Variants in CSMD3 observed in about 807,000 individuals in gnomAD.
CSMD3 encodes the protein CUB and sushi domain-containing protein 3.
Under a neutral mutation model 435.2 loss-of-function variants are expected in CSMD3, and 177 were observed. The ratio of observed to expected loss-of-function variants is 0.41; its 90% CI spans 0.36 to 0.46. The LOEUF (loss-of-function observed/expected upper bound fraction) is 0.46. Among genes scored for constraint, CSMD3 ranks in the 20% least tolerant of loss-of-function variants. CSMD3 has a pLI of 0.34. For synonymous variants in CSMD3, 1,656 were observed against 1,520.5 expected, an observed-to-expected ratio of 1.09 and a Z score of -2.07; for missense variants, 4,265 against 4,504.6, an observed-to-expected ratio of 0.95 and a Z score of 1.52.
chr8:112,825,981 C>T (rs982476919), intron 12 of CSMD3, among the ~76,000 whole-genome samples: 28 of 152,150 alleles, frequency 1.8e-4, no homozygotes, highest in African/African-American at 6.8e-4. Flanking sequence ...CCACACCTCC[C>T]ACTAGGGACT....
intron 13 of CSMD3, among the ~76,000 whole-genome samples, chr8:112,737,602 G>A (rs1238779155): frequency 6.6e-6 from 1 of 151,864 alleles, no homozygotes; most frequent in Admixed American, 6.6e-5. Flanking sequence ...GTCATTAATA[G>A]CATCCCATAT....
At chr8:112,241,486 C>G (rs1355984942) in intron 66 of CSMD3, among the ~76,000 whole-genome samples, 1 of 151,934 alleles carries the variant, frequency 6.6e-6, no homozygotes, top group African/African-American at 2.4e-5. Context: ...AGATACTCTT[C>G]AAGGGAAATT....
chr8:112,666,159 A>G, intron 17 of CSMD3, 118 bp downstream of exon 17: 1 of 838,052 alleles, frequency 1.2e-6, no homozygotes, highest in Non-Finnish European at 2.0e-6. Context: ...AAGCATTCAA[A>G]GCACAGCAAT....
intron 70 of CSMD3, among the ~76,000 whole-genome samples, chr8:112,225,949 A>C (rs542753886): frequency 6.6e-6 from 1 of 152,290 alleles, no homozygotes; most frequent in South Asian, 2.1e-4. Flanking sequence ...GTAATGGAAA[A>C]AAGGCAGACT....
At chr8:112,790,578 CTTTG>C (rs1258876998) in intron 13 of CSMD3, among the ~76,000 whole-genome samples, 1 of 151,938 alleles carries the variant, frequency 6.6e-6, no homozygotes, top group Non-Finnish European at 1.5e-5. Flanking sequence ...ATTTTCAGCC[CTTTG>C]TTTGGTGCTT....
At chr8:112,769,723 A>G in intron 13 of CSMD3, among the ~76,000 whole-genome samples, 1 of 151,972 alleles carries the variant, frequency 6.6e-6, no homozygotes, top group South Asian at 2.1e-4. Flanking sequence ...TCATCATTTG[A>G]TTTATTGAGA....
At chr8:112,724,342 T>C (rs1446320151) in intron 13 of CSMD3, among the ~76,000 whole-genome samples, 2 of 152,068 alleles carry the variant, frequency 1.3e-5, no homozygotes, top group East Asian at 1.9e-4. Flanking sequence ...TGGTGCCTGA[T>C]GATAGTGGGT....
In CSMD3 at chr8:112,650,255, T is replaced by C; in HGVS notation, c.3099A>G (p.Ser1033=). 1 of 1,613,690 alleles carries C rather than the reference T, an allele frequency of 6.2e-7. No individual in the cohort carries two copies. Among genetic ancestry groups the C allele is most frequent in the Non-Finnish European group, 8.5e-7 (1 of 1,179,766 alleles). ...ACCTGTATCCTGAATCACAACTAAA[T>C]GAAACAGTAGAGCCAATGGAGAAAT... ...GHDFSIGSTV[S]FSCDSGYRLS... The change falls in exon 19 of 71, where the codon TCA becomes TCG. Residue 1033 remains serine (S), a synonymous_variant. Transcript: ENST00000297405.
chr8:112,761,673 TACAA>T (rs1048510407), intron 13 of CSMD3, among the ~76,000 whole-genome samples: 11 of 152,128 alleles, frequency 7.2e-5, no homozygotes, highest in African/African-American at 2.2e-4. Context: ...AACTATACTA[TACAA>T]ACATTTTTTA....
intron 17 of CSMD3, among the ~76,000 whole-genome samples, chr8:112,662,274 A>G (rs887334352): frequency 1.3e-5 from 2 of 152,210 alleles, no homozygotes; most frequent in Non-Finnish European, 2.9e-5. Context: ...TTCGAACTAT[A>G]CTACAAGGCT....
chr8:112,417,832 A>G (rs1177140910), intron 32 of CSMD3, among the ~76,000 whole-genome samples: 1 of 152,152 alleles, frequency 6.6e-6, no homozygotes, highest in Non-Finnish European at 1.5e-5. Flanking sequence ...CTTCATCACA[A>G]AAGAAATAGT....
intron 13 of CSMD3, among the ~76,000 whole-genome samples, chr8:112,794,202 A>G (rs1179810906): frequency 6.7e-6 from 1 of 149,384 alleles, no homozygotes; most frequent in East Asian, 2.0e-4. Context: ...AAGTGAAATC[A>G]CCCTTAGAAT....
At position 113,264,435 on chromosome 8, in the gene CSMD3, A is replaced by G. The variant is rs555534741; in HGVS notation, c.514+14157T>C. The stretch of plus-strand genomic sequence containing the variant: ...ATATATATGAAGGAAATTCATTGTG[A>G]AACAGGATTACATAATAAGTTTGAT... On this transcript the variant is annotated intron_variant, in intron 3 of 70. Transcript: ENST00000297405. 3.6e-4 allele frequency among the ~76,000 whole-genome samples: 55 copies of G among 151,244 alleles called. 3 individuals carry two copies. In the South Asian group the frequency reaches 0.011, roughly 30 times the overall value.
At chr8:112,598,407 T>C (rs1275339970) in intron 22 of CSMD3, among the ~76,000 whole-genome samples, 1 of 150,300 alleles carries the variant, frequency 6.7e-6, no homozygotes. Flanking sequence ...TGCTCATGGA[T>C]AGGAAGAATC....
At chr8:112,905,679 T>A (rs1248446856) in intron 10 of CSMD3, among the ~76,000 whole-genome samples, 1 of 151,462 alleles carries the variant, frequency 6.6e-6, no homozygotes, top group Non-Finnish European at 1.5e-5. Flanking sequence ...TTACTATATA[T>A]GAGAATCCGA....
intron 30 of CSMD3, among the ~76,000 whole-genome samples, chr8:112,496,772 TAGA>T (rs1442503452): frequency 6.6e-6 from 1 of 151,726 alleles, no homozygotes; most frequent in Non-Finnish European, 1.5e-5. Context: ...AGTTAGAGGG[TAGA>T]AGGATGGTTA....
At chr8:112,535,315 C>T (rs1006638604) in intron 27 of CSMD3, among the ~76,000 whole-genome samples, 12 of 152,282 alleles carry the variant, frequency 7.9e-5, no homozygotes, top group East Asian at 1.9e-4. Context: ...TAAGCAACTT[C>T]GGCAAAGTCT....
At chr8:113,370,996 TG>T (rs1435216120) in intron 1 of CSMD3, among the ~76,000 whole-genome samples, 1 of 152,090 alleles carries the variant, frequency 6.6e-6, no homozygotes, top group African/African-American at 2.4e-5. Context: ...AGCTTGGCCA[TG>T]AAGTTACAAT....
intron 23 of CSMD3, among the ~76,000 whole-genome samples, chr8:112,580,370 A>G (rs1248666150): frequency 6.6e-6 from 1 of 152,008 alleles, no homozygotes; most frequent in African/African-American, 2.4e-5. Context: ...TAAGCGGAGA[A>G]CAAATTAGTT....
Sources: allele counts gnomAD v4.1 joint callset (sites outside exome capture counted in the v4.1 genomes callset), GRCh38; gene constraint gnomAD v4.1.1; transcripts MANE v1.5; gene names NCBI Gene and HGNC (gene_info 2026-07-23, HGNC 2026-07-21).